POLR3E: variants seen among roughly 807,000 people sequenced by gnomAD.
POLR3E encodes the protein DNA-directed RNA polymerase III subunit RPC5.
In POLR3E, 41 loss-of-function variants were observed where a neutral mutation model predicts 96.6. That is an observed-to-expected ratio of 0.42 (90% confidence interval 0.33 to 0.55). The LOEUF (loss-of-function observed/expected upper bound fraction) is 0.55, where lower values mean the gene tolerates loss of function less well. Among genes scored for constraint, POLR3E ranks in the 20% least tolerant of loss-of-function variants. The probability of loss-of-function intolerance (pLI) is 0.06; values close to 1 mark genes in which losing one functional copy is unlikely to be tolerated. For synonymous variants in POLR3E, 396 were observed against 383.6 expected, an observed-to-expected ratio of 1.03 and a Z score of -0.38; for missense variants, 849 against 952.1, an observed-to-expected ratio of 0.89 and a Z score of 1.43.
In POLR3E at chr16:22,332,108, C is replaced by T. The variant is rs761192914; in HGVS notation, c.1993C>T (p.Arg665Ter). The T allele has an allele frequency of 4.3e-6, 7 of 1,613,546 alleles. No homozygotes were observed. The highest frequency in any genetic ancestry group is 1.7e-5 in the Admixed American group (1 of 59,980). The change falls in exon 20 of 21, where the codon CGA becomes TGA. Residue 665 changes from arginine (R) to a stop codon, truncating the protein, a stop_gained. Transcript: ENST00000299853. LOFTEE classifies it high-confidence loss of function. ...TTTTTCCAAAAATTACCGGGTACGCCGAAACATGATCCAGTCTCGGTTGAC... is the reference window on the plus strand; with the variant it reads ...TTTTTCCAAAAATTACCGGGTACGCTGAAACATGATCCAGTCTCGGTTGAC... ...EIFSKNYRVR[R>*]NMIQSRLTQE...
chr16:22,332,544 C>T (rs1453004475), intron 20 of POLR3E, among the ~76,000 whole-genome samples: 1 of 152,076 alleles, frequency 6.6e-6, no homozygotes, highest in African/African-American at 2.4e-5. Context: ...CTTCAGGCTG[C>T]TAAGAGCCTA....
intron 9 of POLR3E, among the ~76,000 whole-genome samples, chr16:22,316,108 A>G (rs1402573587): frequency 6.6e-6 from 1 of 152,128 alleles, no homozygotes; most frequent in East Asian, 1.9e-4. Context: ...TTCTTGGAAG[A>G]GATTTGTGTT....
At position 22,321,444 on chromosome 16, in the gene POLR3E, A is replaced by G. The variant is rs984738589; in HGVS notation, c.987-1406A>G. On this transcript the variant is annotated intron_variant, in intron 13 of 20. Coordinates refer to ENST00000299853, the MANE Select transcript of POLR3E (RefSeq NM_018119.4). ...GCACTGCTCCACAGGTGCCCAGCGC[A>G]GTTTGTCAGCACCTTGCGGCTGTTG... 3.9e-5 allele frequency among the ~76,000 whole-genome samples: 6 copies of G among 152,222 alleles called. No individual in the cohort carries two copies. The East Asian group carries it at 9.6e-4, about 24-fold the overall frequency.
chr16:22,311,429 C>G (rs1016741515), intron 6 of POLR3E, among the ~76,000 whole-genome samples: 7 of 151,822 alleles, frequency 4.6e-5, no homozygotes, highest in African/African-American at 1.7e-4. Context: ...GTCTTTTATA[C>G]TATACTTTTA....
chr16:22,333,690 T>C lies in POLR3E; in HGVS notation c.2117T>C (p.Val706Ala), dbSNP rs1388947859. ...GGCATGTGGTACCTTAAAGGGACAG[T>C]ACAGTCTTGACAATAGTAGCAAACT... is the stretch of plus-strand genomic sequence containing the variant. The part of the protein sequence containing the change: ...YGGMWYLKGT[V>A]QS The change falls in exon 21 of 21, where the codon GTA becomes GCA. Residue 706 changes from valine (V) to alanine (A), a missense_variant. Val to Ala is a moderately conservative substitution (Grantham distance 64, BLOSUM62 0). Coordinates refer to ENST00000299853, the MANE Select transcript of POLR3E (RefSeq NM_018119.4). The C allele has an allele frequency of 6.2e-7, 1 of 1,608,662 alleles. No individual in the cohort carries two copies. Among genetic ancestry groups the C allele is most frequent in the African/African-American group, 1.3e-5 (1 of 74,830 alleles).
intron 13 of POLR3E, 93 bp downstream of exon 13, chr16:22,319,039 A>G (rs1335369509): frequency 3.3e-5 from 30 of 897,812 alleles, no homozygotes; most frequent in South Asian, 5.3e-5. Context: ...TAGTGGCGCA[A>G]TCTCGGCTCA....
At chr16:22,326,997 G>C (rs774161609) in intron 18 of POLR3E, 1 of 152,796 alleles carries the variant, frequency 6.5e-6, no homozygotes, top group South Asian at 2.1e-4. Context: ...CCTGACGGGG[G>C]AGCAGAGTGC....
At chr16:22,332,607 T>C (rs1598281895) in intron 20 of POLR3E, among the ~76,000 whole-genome samples, 1 of 152,108 alleles carries the variant, frequency 6.6e-6, no homozygotes, top group African/African-American at 2.4e-5. Context: ...TGGCAGTGGG[T>C]AGGCGTCTTC....
At chr16:22,319,268 C>T (rs940159693) in intron 13 of POLR3E, among the ~76,000 whole-genome samples, 7 of 152,294 alleles carry the variant, frequency 4.6e-5, no homozygotes, top group Middle Eastern at 3.4e-3. Context: ...CCACCGGGCC[C>T]GGCCTACGCT....
At chr16:22,312,266 G>A (rs908322151) in intron 6 of POLR3E, among the ~76,000 whole-genome samples, 2 of 152,048 alleles carry the variant, frequency 1.3e-5, no homozygotes, top group African/African-American at 4.8e-5. Context: ...AGGCCGAAGT[G>A]GGCAGATCAC....
rs781155231 is a variant in POLR3E, at chr16:22,333,648, G to A, written c.2075G>A (p.Cys692Tyr). The A allele has an allele frequency of 1.9e-6, 3 of 1,609,968 alleles. No individual in the cohort carries two copies. Among genetic ancestry groups the A allele is most frequent in the Non-Finnish European group, 2.6e-6 (3 of 1,176,228 alleles). The change falls in exon 21 of 21, where the codon TGC becomes TAC. Residue 692 changes from cysteine to tyrosine, a missense_variant. Coordinates refer to ENST00000299853, the MANE Select transcript of POLR3E (RefSeq NM_018119.4). Reference protein sequence around the residue: ...KQEVDKVLKDCCVSYGGMWYL... With the variant: ...KQEVDKVLKDYCVSYGGMWYL... ...TACCCTGTTTCTCTCTCATAGGACTGCTGTGTAAGCTATGGTGGCATGTGG... is the reference window on the plus strand; with the variant it reads ...TACCCTGTTTCTCTCTCATAGGACTACTGTGTAAGCTATGGTGGCATGTGG...
intron 6 of POLR3E, among the ~76,000 whole-genome samples, chr16:22,311,892 G>A (rs1293337998): frequency 6.6e-6 from 1 of 152,162 alleles, no homozygotes; most frequent in Non-Finnish European, 1.5e-5. Flanking sequence ...GGAGCAATAG[G>A]CCATACCATA....
At chr16:22,329,837 C>T (rs2048698238) in intron 19 of POLR3E, among the ~76,000 whole-genome samples, 1 of 151,990 alleles carries the variant, frequency 6.6e-6, no homozygotes. Context: ...CTATGTTGGC[C>T]AGGCTAGTCT....
Position 22,334,771 on chromosome 16 carries a change from A to G in POLR3E, c.*1071A>G, listed in dbSNP as rs900678488. On this transcript the variant is annotated 3_prime_UTR_variant, in exon 21 of 21. Coordinates refer to ENST00000299853, the MANE Select transcript of POLR3E (RefSeq NM_018119.4). ...GCCACATGGGGCTATTTGCGACAGT[A>G]TTGGATAGCACAGCCCTAGAAACTG... The G allele has an allele frequency of 6.6e-6, 1 of 152,236 alleles. No homozygotes were observed. Among genetic ancestry groups the G allele is most frequent in the African/African-American group, 2.4e-5 (1 of 41,472 alleles). The allele number at this position is 152,236 out of a possible 1,614,324, so 9.4% of individuals were successfully genotyped here. A position where few individuals can be genotyped will look rare whatever the true frequency, so the allele number is the denominator to read the frequency against.
intron 2 of POLR3E, among the ~76,000 whole-genome samples, chr16:22,304,243 G>A (rs2048088574): frequency 6.6e-6 from 1 of 152,230 alleles, no homozygotes; most frequent in Non-Finnish European, 1.5e-5. Flanking sequence ...CTTATATGCG[G>A]AGCCTGACCT....
Position 22,325,134 on chromosome 16 carries a change from T to A in POLR3E, c.1287-71T>A. ...CCAGCGTGTCCTGGGGCCTAAGGGGTGGTTGTTTCTCTTGTGAAGCAGATG... is the reference window on the plus strand; with the variant it reads ...CCAGCGTGTCCTGGGGCCTAAGGGGAGGTTGTTTCTCTTGTGAAGCAGATG... On this transcript the variant is annotated intron_variant, in intron 16 of 20. Transcript: ENST00000299853. The A allele has an allele frequency of 7.7e-6, 9 of 1,163,226 alleles. No homozygotes were observed. In the South Asian group the frequency reaches 1.1e-4, roughly 14 times the overall value. 72.1% of individuals were successfully genotyped at this position (1,163,226 alleles called of 1,614,324 possible). A position where few individuals can be genotyped will look rare whatever the true frequency, so the allele number is the denominator to read the frequency against.
At chr16:22,316,417 G>A (rs1224147023) in intron 9 of POLR3E, among the ~76,000 whole-genome samples, 184 bp from the exon 10 acceptor site, 1 of 152,218 alleles carries the variant, frequency 6.6e-6, no homozygotes, top group East Asian at 1.9e-4. Flanking sequence ...CTGGGGCTGG[G>A]CAGGTCATAA....
chr16:22,324,280 C>G, intron 14 of POLR3E, 74 bp from the exon 15 acceptor site: 2 of 1,242,362 alleles, frequency 1.6e-6, no homozygotes, highest in Non-Finnish European at 2.4e-6. Context: ...CCCAGGCCTG[C>G]CAGGTGAGTT....
rs754958246 is a variant in POLR3E, at chr16:22,325,874, G to T, written c.1462G>T (p.Val488Leu). 6.2e-7 allele frequency: 1 copy of T among 1,611,202 alleles called. No individual in the cohort carries two copies. The highest frequency in any genetic ancestry group is 1.1e-5 in the South Asian group (1 of 90,712). Residue 488 changes from valine to leucine, a missense_variant, in exon 18 of 21, where the codon GTG becomes TTG. Coordinates refer to ENST00000299853, the MANE Select transcript of POLR3E (RefSeq NM_018119.4). ...GCAGCGGCGGAAGGAGCAGCTGCGGGTGCCTGCGGTCCCGCCCGGTGTGCG... is the reference window on the plus strand; with the variant it reads ...GCAGCGGCGGAAGGAGCAGCTGCGGTTGCCTGCGGTCCCGCCCGGTGTGCG... ...ELQRRKEQLRVPAVPPGVRIK... is the reference protein window; with the variant it reads ...ELQRRKEQLRLPAVPPGVRIK...
Sources: allele counts gnomAD v4.1 joint callset (sites outside exome capture counted in the v4.1 genomes callset), GRCh38; gene constraint gnomAD v4.1.1; transcripts MANE v1.5; gene names NCBI Gene and HGNC (gene_info 2026-07-23, HGNC 2026-07-21).